SNX29: variants seen among roughly 807,000 people sequenced by gnomAD.
SNX29 encodes sorting nexin-29.
SNX29 carries 78 observed loss-of-function variants against 102.1 expected under a neutral mutation model. The ratio of observed to expected loss-of-function variants is 0.76; its 90% CI spans 0.64 to 0.92. SNX29 has a LOEUF of 0.92. SNX29 is among the 40% of genes least tolerant of loss of function. The pLI is 0.00. For missense variants in SNX29, 1,280 were observed against 1,061.7 expected (o/e 1.21, Z -2.86); for synonymous variants, 580 against 414.5 (o/e 1.40, Z -4.85).
At chr16:12,218,888 C>T (rs953972592) in intron 14 of SNX29, among the ~76,000 whole-genome samples, 6 of 152,260 alleles carry the variant, frequency 3.9e-5, no homozygotes, top group Middle Eastern at 6.8e-3. Flanking sequence ...CATTCTCCTG[C>T]CTCAGCCTCC....
chr16:12,216,898 C>CAGCT (rs1273034986), intron 14 of SNX29, among the ~76,000 whole-genome samples: 10 of 152,342 alleles, frequency 6.6e-5, no homozygotes, highest in African/African-American at 2.2e-4. Context: ...CATGAGGCCA[C>CAGCT]AGCTAGCTGC....
chr16:12,305,647 T>C lies in SNX29; in HGVS notation c.1782+27611T>C, dbSNP rs892952639. ...TCAAAACATTGCATGGAAATATTAT[T>C]TATCATGATTACTGAGCTTTTTGCC... On this transcript the variant is annotated intron_variant, in intron 15 of 20. Coordinates refer to ENST00000566228, the MANE Select transcript of SNX29 (RefSeq NM_032167.5). 3.3e-5 allele frequency among the ~76,000 whole-genome samples: 5 copies of C among 152,258 alleles called. No individual in the cohort carries two copies. In the South Asian group the frequency reaches 1.0e-3, roughly 31 times the overall value.
chr16:12,158,075 TTGC>T (rs2055628864), intron 13 of SNX29, among the ~76,000 whole-genome samples: 2 of 152,066 alleles, frequency 1.3e-5, no homozygotes, highest in African/African-American at 4.8e-5. Flanking sequence ...AGTTAAAGCG[TTGC>T]TGCTGCTTTT....
At chr16:12,430,452 C>T (rs1050952690) in intron 18 of SNX29, among the ~76,000 whole-genome samples, 2 of 152,206 alleles carry the variant, frequency 1.3e-5, no homozygotes, top group African/African-American at 2.4e-5. Context: ...TCAGGCACAC[C>T]TGCTTTGGAA....
At chr16:12,307,828 C>T (rs1801531755) in intron 15 of SNX29, among the ~76,000 whole-genome samples, 2 of 152,246 alleles carry the variant, frequency 1.3e-5, no homozygotes, top group African/African-American at 4.8e-5. Context: ...AGTCCTGCTA[C>T]CCTGAGATCC....
chr16:12,008,474 G>A (rs570633732), intron 3 of SNX29, among the ~76,000 whole-genome samples: 2 of 146,682 alleles, frequency 1.4e-5, no homozygotes, highest in Non-Finnish European at 3.0e-5. Flanking sequence ...TCTCCATGTT[G>A]GTCAGGCTGG....
At chr16:12,240,856 T>G (rs898961142) in intron 14 of SNX29, among the ~76,000 whole-genome samples, 1 of 152,164 alleles carries the variant, frequency 6.6e-6, no homozygotes, top group African/African-American at 2.4e-5. Flanking sequence ...TCCACCCACC[T>G]TGGCCTGTCA....
intron 15 of SNX29, among the ~76,000 whole-genome samples, chr16:12,317,869 A>G (rs1411241557): frequency 7.9e-5 from 12 of 152,250 alleles, no homozygotes; most frequent in Admixed American, 7.8e-4. Context: ...TCGAAATGAG[A>G]TAATGCAAGT....
Position 12,568,907 on chromosome 16 carries a change from C to A in SNX29, c.*278C>A. On this transcript the variant is annotated 3_prime_UTR_variant, in exon 21 of 21. Coordinates refer to ENST00000566228, the MANE Select transcript of SNX29 (RefSeq NM_032167.5). ...CTACCCTGGGCTGCAAGGGCTGTTC[C>A]TCCACCTTTCTGTAGTTCAGGGCTG... 1 of 472,646 alleles carries A rather than the reference C, an allele frequency of 2.1e-6. No homozygotes were observed. The highest frequency in any genetic ancestry group is 3.7e-6 in the Non-Finnish European group (1 of 268,980). 29.3% of individuals were successfully genotyped at this position (472,646 alleles called of 1,614,324 possible). A position where few individuals can be genotyped will look rare whatever the true frequency, so the allele number is the denominator to read the frequency against.
At chr16:12,497,141 A>G (rs1261499348) in intron 19 of SNX29, among the ~76,000 whole-genome samples, 1 of 152,242 alleles carries the variant, frequency 6.6e-6, no homozygotes, top group Non-Finnish European at 1.5e-5. Context: ...CTGAACAACA[A>G]GGGCTCTGGG....
intron 20 of SNX29, among the ~76,000 whole-genome samples, chr16:12,558,971 T>C (rs1295084516): frequency 1.3e-5 from 2 of 152,188 alleles, no homozygotes; most frequent in African/African-American, 4.8e-5. Flanking sequence ...AACAGAGGGA[T>C]TCAGAGACTT....
chr16:12,548,598 G>T (rs183855001), intron 20 of SNX29, among the ~76,000 whole-genome samples: 15 of 152,120 alleles, frequency 9.9e-5, no homozygotes, highest in African/African-American at 2.9e-4. Context: ...CTCCAGGCCC[G>T]GGTACTCTGT....
intron 20 of SNX29, among the ~76,000 whole-genome samples, chr16:12,559,265 T>C (rs1358230108): frequency 6.6e-6 from 1 of 152,072 alleles, no homozygotes; most frequent in East Asian, 1.9e-4. Context: ...GCTCTGCCTG[T>C]CAGATCAGCA....
intron 18 of SNX29, among the ~76,000 whole-genome samples, chr16:12,404,401 T>C (rs947522002): frequency 6.6e-6 from 1 of 152,052 alleles, no homozygotes; most frequent in East Asian, 1.9e-4. Flanking sequence ...TGCATGTCTG[T>C]CTTCCTTCTC....
At chr16:12,149,594 T>C (rs1326843371) in intron 13 of SNX29, among the ~76,000 whole-genome samples, 1 of 152,188 alleles carries the variant, frequency 6.6e-6, no homozygotes, top group Non-Finnish European at 1.5e-5. Flanking sequence ...CTCTAATCCC[T>C]GCAGTAAGCA....
At chr16:12,539,072 C>T (rs2077206942) in intron 20 of SNX29, among the ~76,000 whole-genome samples, 1 of 152,146 alleles carries the variant, frequency 6.6e-6, no homozygotes, top group Non-Finnish European at 1.5e-5. Flanking sequence ...TGGGATAGGG[C>T]CAAGTTTAAT....
rs553354950 is a variant in SNX29 at position 12,568,801 on chromosome 16, C to T, written c.*172C>T. On this transcript the variant is annotated 3_prime_UTR_variant, in exon 21 of 21. Coordinates refer to ENST00000566228, the MANE Select transcript of SNX29 (RefSeq NM_032167.5). ...CCGATTAAACTAATCAGTCTTCGAGCCGCATGATACCGTGACCCGAGAGAC... is the reference window on the plus strand; with the variant it reads ...CCGATTAAACTAATCAGTCTTCGAGTCGCATGATACCGTGACCCGAGAGAC... 5 of 1,026,616 alleles carry T rather than the reference C, an allele frequency of 4.9e-6. No individual in the cohort carries two copies. The South Asian group carries it at 6.7e-5, about 14-fold the overall frequency. The allele number at this position is 1,026,616 out of a possible 1,614,324, so 63.6% of individuals were successfully genotyped here. A position where few individuals can be genotyped will look rare whatever the true frequency, so the allele number is the denominator to read the frequency against.
At chr16:12,179,924 G>C (rs115859904) in intron 13 of SNX29, among the ~76,000 whole-genome samples, 1 of 152,122 alleles carries the variant, frequency 6.6e-6, no homozygotes, top group Non-Finnish European at 1.5e-5. Context: ...AAACGTCAGC[G>C]ATTTTACTAG....
At chr16:12,536,329 C>A (rs999924031) in intron 20 of SNX29, among the ~76,000 whole-genome samples, 1 of 152,160 alleles carries the variant, frequency 6.6e-6, no homozygotes, top group Non-Finnish European at 1.5e-5. Context: ...ATTACTAATG[C>A]AGCAGGAAAC....
Sources: allele counts gnomAD v4.1 joint callset (sites outside exome capture counted in the v4.1 genomes callset), GRCh38; gene constraint gnomAD v4.1.1; transcripts MANE v1.5; gene names NCBI Gene and HGNC (gene_info 2026-07-23, HGNC 2026-07-21).